The following CSMD1 variants were observed in gnomAD, a reference collection of about 807,000 sequenced individuals.
The protein encoded by CSMD1 is CUB and sushi domain-containing protein 1.
CSMD1 carries 213 observed loss-of-function variants against 417.5 expected under a neutral mutation model. The ratio of observed to expected loss-of-function variants is 0.51; its 90% CI spans 0.46 to 0.57. The LOEUF (loss-of-function observed/expected upper bound fraction) is 0.57. CSMD1 is among the 20% of genes least tolerant of loss of function. The pLI is 0.00. For synonymous variants in CSMD1, 2,862 were observed against 1,736.8 expected, an observed-to-expected ratio of 1.65 and a Z score of -16.11; for missense variants, 6,923 against 4,529.7, an observed-to-expected ratio of 1.53 and a Z score of -15.17.
intron 2 of CSMD1, among the ~76,000 whole-genome samples, chr8:4,489,236 C>A (rs1801574777): frequency 6.6e-6 from 1 of 152,178 alleles, no homozygotes; most frequent in South Asian, 2.1e-4. Context: ...TACATATTTT[C>A]TACTTAAGGT....
At chr8:3,853,399 C>G (rs886912800) in intron 5 of CSMD1, among the ~76,000 whole-genome samples, 1 of 152,080 alleles carries the variant, frequency 6.6e-6, no homozygotes, top group African/African-American at 2.4e-5. Context: ...GTATAGCACG[C>G]TCTATAATTT....
chr8:3,729,144 G>A (rs1304388927), intron 6 of CSMD1, among the ~76,000 whole-genome samples: 2 of 152,196 alleles, frequency 1.3e-5, no homozygotes, highest in East Asian at 3.9e-4. Flanking sequence ...ACTCACTTGT[G>A]GAACATTTAA....
chr8:3,870,849 T>C lies in CSMD1; in HGVS notation c.819-116807A>G, dbSNP rs183659169. Among the ~76,000 whole-genome samples the C allele has an allele frequency of 2.1e-3, 321 of 152,256 alleles. 2 individuals carry two copies. The highest frequency in any genetic ancestry group is 7.5e-3 in the African/African-American group (313 of 41,568). ...AGAAGCATCTCCAACATTAACACCA[T>C]TCTGTCTTAGGTTCCTTAGATGCCT... On this transcript the variant is annotated intron_variant, in intron 5 of 69. Transcript: ENST00000635120.
At chr8:4,028,806 A>C (rs1053346126) in intron 4 of CSMD1, among the ~76,000 whole-genome samples, 3 of 152,230 alleles carry the variant, frequency 2.0e-5, no homozygotes, top group African/African-American at 7.2e-5. Flanking sequence ...ATTTTCTGGC[A>C]TCTCATTAAG....
At chr8:4,347,122 A>C (rs145012028) in intron 3 of CSMD1, among the ~76,000 whole-genome samples, 1 of 152,178 alleles carries the variant, frequency 6.6e-6, no homozygotes, top group Non-Finnish European at 1.5e-5. Flanking sequence ...CCAAGGCAGG[A>C]AAGATGAATG....
chr8:3,523,525 GCACACACACA>G (rs375381582), intron 10 of CSMD1, among the ~76,000 whole-genome samples: 1 of 151,794 alleles, frequency 6.6e-6, no homozygotes, highest in Non-Finnish European at 1.5e-5. Flanking sequence ...GTGAAAATAT[GCACACACACA>G]CGCACACCCA....
chr8:3,234,805 A>G (rs1799053212), intron 26 of CSMD1, among the ~76,000 whole-genome samples: 1 of 152,248 alleles, frequency 6.6e-6, no homozygotes, highest in Non-Finnish European at 1.5e-5. Context: ...GCAATTGGCC[A>G]TCATCTTGGT....
At chr8:3,752,676 C>CAAAAAAAAAAAAAA (rs200769696) in intron 6 of CSMD1, among the ~76,000 whole-genome samples, 1 of 96,942 alleles carries the variant, frequency 1.0e-5, no homozygotes, top group Non-Finnish European at 1.9e-5. Flanking sequence ...CCCCGCCTGG[C>CAAAAAAAAAAAAAA]AAAAAAAAAA....
At chr8:4,025,977 G>C (rs567320553) in intron 4 of CSMD1, among the ~76,000 whole-genome samples, 4 of 148,882 alleles carry the variant, frequency 2.7e-5, no homozygotes, top group African/African-American at 7.4e-5. Context: ...GATCATTGTA[G>C]AAGGAGACAG....
intron 2 of CSMD1, among the ~76,000 whole-genome samples, chr8:4,470,506 C>G (rs1285037144): frequency 2.0e-5 from 3 of 152,208 alleles, no homozygotes; most frequent in Admixed American, 6.5e-5. Flanking sequence ...GCATCAAACA[C>G]GGAATTCCTT....
chr8:3,293,644 C>T (rs1173961487), intron 25 of CSMD1, among the ~76,000 whole-genome samples: 4 of 152,184 alleles, frequency 2.6e-5, no homozygotes, highest in African/African-American at 9.7e-5. Context: ...GTGCATTTGT[C>T]ACGTAGTCCT....
chr8:3,144,468 T>G (rs1470193501), intron 40 of CSMD1, among the ~76,000 whole-genome samples: 8 of 152,132 alleles, frequency 5.3e-5, no homozygotes, highest in Admixed American at 4.6e-4. Context: ...TCTTTAATAA[T>G]TTAAGCAAAA....
At chr8:4,321,269 G>C (rs10108772) in intron 3 of CSMD1, among the ~76,000 whole-genome samples, 1 of 151,832 alleles carries the variant, frequency 6.6e-6, no homozygotes, top group Non-Finnish European at 1.5e-5. Flanking sequence ...GATCATCCTC[G>C]GTGTGTTGGT....
At chr8:4,632,131 G>A (rs922530603) in intron 2 of CSMD1, among the ~76,000 whole-genome samples, 3 of 152,208 alleles carry the variant, frequency 2.0e-5, no homozygotes, top group Non-Finnish European at 4.4e-5. Flanking sequence ...CATTCATTTA[G>A]GAGAGAGTTA....
At chr8:4,453,019 T>C (rs1799241952) in intron 2 of CSMD1, among the ~76,000 whole-genome samples, 1 of 151,928 alleles carries the variant, frequency 6.6e-6, no homozygotes, top group Admixed American at 6.5e-5. Context: ...AAGAATACAA[T>C]TTAAGGGACA....
chr8:4,657,160 A>G (rs114488106), intron 1 of CSMD1, among the ~76,000 whole-genome samples: 2,639 of 152,288 alleles, frequency 0.017, 27 homozygotes, highest in Middle Eastern at 0.061. Flanking sequence ...AGAAACTCAC[A>G]CATATGCCCA....
chr8:3,307,611 T>A, intron 25 of CSMD1, 84 bp downstream of exon 25: 2 of 1,407,490 alleles, frequency 1.4e-6, no homozygotes, highest in Non-Finnish European at 1.9e-6. Context: ...TAACCATGGA[T>A]ATTTGGTGTA....
intron 3 of CSMD1, among the ~76,000 whole-genome samples, chr8:4,120,551 C>G (rs543437265): frequency 6.6e-6 from 1 of 152,100 alleles, no homozygotes; most frequent in Non-Finnish European, 1.5e-5. Context: ...TAAGGGATAC[C>G]AAAACTGGCG....
chr8:2,938,632 C>T lies in CSMD1; in HGVS notation c.10648G>A (p.Ala3550Thr). Residue 3550 changes from alanine to threonine, a missense_variant, in exon 70 of 70, where the codon GCT (alanine) becomes ACT (threonine). Transcript: ENST00000635120. ...TTCAGAGTTGTGTCAAACCTCACAGCCTTGGCTTCTGTGGGTTTTAAGTTT... is the reference window on the plus strand; with the variant it reads ...TTCAGAGTTGTGTCAAACCTCACAGTCTTGGCTTCTGTGGGTTTTAAGTTT... The part of the protein sequence containing the change: ...DTNLKPTEAK[A>T]VRFDTTLNTV... 6.2e-7 allele frequency: 1 copy of T among 1,612,110 alleles called. No individual in the cohort carries two copies. The highest frequency in any genetic ancestry group is 8.5e-7 in the Non-Finnish European group (1 of 1,179,160).
Sources: gnomAD v4.1 joint callset for allele counts (sites outside exome capture counted in the v4.1 genomes callset) on GRCh38, gnomAD v4.1.1 for gene constraint, MANE v1.5 for transcripts, NCBI Gene and HGNC (gene_info 2026-07-23, HGNC 2026-07-21) for gene names.